The following KLF8 variants were observed in gnomAD, a reference collection of about 807,000 sequenced individuals.
KLF8 encodes the protein KLF transcription factor 8, also known as Krueppel-like factor 8.
In KLF8, 10 loss-of-function variants were observed where a neutral mutation model predicts 18.2. The ratio of observed to expected loss-of-function variants is 0.55; its 90% CI spans 0.34 to 0.93. The LOEUF (loss-of-function observed/expected upper bound fraction) is 0.93, where lower values mean the gene tolerates loss of function less well. Among genes scored for constraint, KLF8 ranks in the 40% least tolerant of loss-of-function variants. KLF8 has a pLI of 0.02. For synonymous variants in KLF8, 109 were observed against 97.3 expected, an observed-to-expected ratio of 1.12 and a Z score of -0.71; for missense variants, 264 against 277.9, an observed-to-expected ratio of 0.95 and a Z score of 0.36.
In KLF8 at chrX:56,291,283, T is replaced by G. The variant is rs2067320139; in HGVS notation, c.*6789T>G. Among the ~76,000 whole-genome samples, 2 of 111,910 alleles carry G rather than the reference T, an allele frequency of 1.8e-5. No individual in the cohort carries two copies. Among genetic ancestry groups the G allele is most frequent in the Admixed American group, 9.5e-5 (1 of 10,497 alleles). ...ACCTTGTTTTTCCTCTATTTTATAC[T>G]AGTTCTTGCTCCAGAGGCATGGCTT... is the stretch of plus-strand genomic sequence containing the variant. On this transcript the variant is annotated 3_prime_UTR_variant, in exon 6 of 6. Transcript: ENST00000468660.
chrX:56,065,589 C>T, the KLF8 span, among the ~76,000 whole-genome samples: 1 of 110,407 alleles, frequency 9.1e-6, no homozygotes, highest in Non-Finnish European at 1.9e-5. Context: ...TTGTTGCATT[C>T]CTTTGGAGAT....
At chrX:55,927,811 A>T in the KLF8 span, among the ~76,000 whole-genome samples, 1 of 111,286 alleles carries the variant, frequency 9.0e-6, no homozygotes, top group Non-Finnish European at 1.9e-5. Flanking sequence ...TTTGTTGATT[A>T]TGTGTGTTGT....
the KLF8 span, among the ~76,000 whole-genome samples, chrX:55,916,235 C>A: frequency 8.9e-6 from 1 of 111,996 alleles, no homozygotes; most frequent in East Asian, 2.8e-4. Flanking sequence ...GCAGATATTT[C>A]CAAATGTGTC....
chrX:56,109,282 C>G, the KLF8 span, among the ~76,000 whole-genome samples: 4 of 109,201 alleles, frequency 3.7e-5, no homozygotes, highest in Non-Finnish European at 5.7e-5. Context: ...GTAGTCCTAG[C>G]TACTCAGGAG....
chrX:56,235,199 G>A (rs1389056195), intron 1 of KLF8, among the ~76,000 whole-genome samples: 1 of 109,484 alleles, frequency 9.1e-6, no homozygotes, highest in African/African-American at 3.3e-5. Flanking sequence ...TGTGCCTGGT[G>A]CGGTGGGGGC....
chrX:56,132,131 A>G, the KLF8 span, among the ~76,000 whole-genome samples: 1 of 111,769 alleles, frequency 8.9e-6, no homozygotes, highest in South Asian at 3.7e-4. Context: ...GCCCTACAAC[A>G]ATGGACTTAA....
chrX:56,073,132 G>A, the KLF8 span, among the ~76,000 whole-genome samples: 1 of 109,531 alleles, frequency 9.1e-6, no homozygotes, highest in African/African-American at 3.3e-5. Flanking sequence ...GACTACAGGC[G>A]CCCGCCACCA....
the KLF8 span, chrX:55,908,157 CG>C: frequency 6.0e-6 from 1 of 166,233 alleles, no homozygotes; most frequent in Non-Finnish European, 1.1e-5. Flanking sequence ...AAAAGAGATG[CG>C]GTGGGGTGTG....
the KLF8 span, chrX:55,908,417 T>G: frequency 3.4e-6 from 1 of 295,895 alleles, no homozygotes. Flanking sequence ...TAGTAGTAGA[T>G]GGGGTGGAGC....
chrX:56,084,634 C>T, the KLF8 span, among the ~76,000 whole-genome samples: 1 of 111,690 alleles, frequency 9.0e-6, no homozygotes, highest in Admixed American at 9.5e-5. Flanking sequence ...TTTAGACAAT[C>T]CATCTCCTCG....
the KLF8 span, among the ~76,000 whole-genome samples, chrX:55,975,102 G>A: frequency 4.5e-5 from 5 of 111,779 alleles, no homozygotes; most frequent in African/African-American, 6.5e-5. Context: ...TGAAGGAAAC[G>A]TAGGATATAG....
the KLF8 span, among the ~76,000 whole-genome samples, chrX:56,186,948 A>T: frequency 8.9e-6 from 1 of 111,993 alleles, no homozygotes; most frequent in Admixed American, 9.5e-5. Flanking sequence ...TGACACCCGA[A>T]CATCACAATT....
chrX:56,182,243 T>G, the KLF8 span, among the ~76,000 whole-genome samples: 23 of 112,560 alleles, frequency 2.0e-4, no homozygotes, highest in South Asian at 8.1e-3. Context: ...TTTCTTCCAG[T>G]TGATCGAATC....
chrX:56,132,691 A>G, the KLF8 span, among the ~76,000 whole-genome samples: 1 of 112,070 alleles, frequency 8.9e-6, no homozygotes, highest in African/African-American at 3.2e-5. Context: ...AAAGAAATTG[A>G]AACAAAAAAA....
the KLF8 span, among the ~76,000 whole-genome samples, chrX:55,949,796 A>G: frequency 1.0e-3 from 113 of 110,308 alleles, 3 homozygotes; most frequent in East Asian, 0.019. Context: ...TTTCAAAAAA[A>G]AAAAGAAAAG....
chrX:55,927,645 A>C, the KLF8 span, among the ~76,000 whole-genome samples: 1 of 112,438 alleles, frequency 8.9e-6, no homozygotes, highest in Admixed American at 9.5e-5. Flanking sequence ...GCTTTAATTC[A>C]TATTTCCTTT....
chrX:56,103,418 A>G, the KLF8 span, among the ~76,000 whole-genome samples: 20 of 110,936 alleles, frequency 1.8e-4, no homozygotes, highest in East Asian at 5.1e-3. Context: ...CCTTGAAGAG[A>G]TCCTTCACAT....
chrX:56,078,650 G>A, the KLF8 span, among the ~76,000 whole-genome samples: 190 of 112,027 alleles, frequency 1.7e-3, 2 homozygotes, highest in African/African-American at 5.5e-3. Context: ...GATGATGCTA[G>A]CCTCATAAAA....
the KLF8 span, among the ~76,000 whole-genome samples, chrX:56,093,330 T>C: frequency 6.4e-4 from 71 of 111,507 alleles, no homozygotes; most frequent in African/African-American, 2.1e-3. Context: ...TACTTACCTA[T>C]AGAGAAGCAA....
Sources: allele counts gnomAD v4.1 joint callset (sites outside exome capture counted in the v4.1 genomes callset), GRCh38; gene constraint gnomAD v4.1.1; transcripts MANE v1.5; gene names NCBI Gene and HGNC (gene_info 2026-07-23, HGNC 2026-07-21).